The following SP140 variants were observed in gnomAD, a reference collection of about 807,000 sequenced individuals.
SP140 encodes nuclear body protein SP140.
In SP140, 81 loss-of-function variants were observed where a neutral mutation model predicts 125.0. The ratio of observed to expected loss-of-function variants is 0.65; its 90% confidence interval spans 0.54 to 0.78. SP140 has a LOEUF of 0.78. Ranked by LOEUF, SP140 falls within the 30% of genes least tolerant of loss-of-function variation. The pLI, the probability that SP140 is intolerant of heterozygous loss-of-function variation, is 0.00. For synonymous variants in SP140, 312 were observed against 354.0 expected (o/e 0.88, Z 1.33); for missense variants, 858 against 1,037.0 (o/e 0.83, Z 2.37).
chr2:230,305,661 T>C (rs2149582115), intron 22 of SP140, among the ~76,000 whole-genome samples: 1 of 152,254 alleles, frequency 6.6e-6, no homozygotes, highest in African/African-American at 2.4e-5. Flanking sequence ...CTTGCACACG[T>C]AGCGTGGGGG....
At chr2:230,288,622 A>T (rs564874320) in intron 18 of SP140, among the ~76,000 whole-genome samples, 3 of 150,474 alleles carry the variant, frequency 2.0e-5, no homozygotes, top group African/African-American at 7.3e-5. Context: ...CCTTCCCCTA[A>T]CCCCCAAATC....
At chr2:230,288,594 T>C (rs2056761165) in intron 18 of SP140, among the ~76,000 whole-genome samples, 2 of 151,822 alleles carry the variant, frequency 1.3e-5, no homozygotes, top group Non-Finnish European at 1.5e-5. Context: ...CTACATTAGG[T>C]ATTTCTCCTA....
intron 22 of SP140, among the ~76,000 whole-genome samples, chr2:230,307,955 GTATATATATATATATATATATATATATA>G (rs60233854): frequency 6.2e-5 from 3 of 48,408 alleles, no homozygotes; most frequent in South Asian, 1.6e-3. Flanking sequence ...GGACATGCAT[GTATATATATATATATATATATATATATA>G]TATATATACA....
chr2:230,245,880 A>G lies in SP140; in HGVS notation c.682A>G (p.Ile228Val), dbSNP rs367777353. ...PGGGVSCKLA[I>V]QIDEGESEEM... Reference sequence around the variant, plus strand: ...CTCTGCAGTGTCCTGTAAACTTGCTATACAAATAGATGAAGGAGAATCAGA... The same window carrying G: ...CTCTGCAGTGTCCTGTAAACTTGCTGTACAAATAGATGAAGGAGAATCAGA... Residue 228 changes from isoleucine (I) to valine (V), a missense_variant, in exon 7 of 27, where the codon ATA becomes GTA. Coordinates refer to ENST00000392045, the MANE Select transcript of SP140 (RefSeq NM_007237.5). 1.9e-6 allele frequency: 3 copies of G among 1,606,114 alleles called. No individual in the cohort carries two copies. Among genetic ancestry groups the G allele is most frequent in the Admixed American group, 1.7e-5 (1 of 59,948 alleles).
intron 3 of SP140, among the ~76,000 whole-genome samples, chr2:230,239,328 C>T (rs1034096735): frequency 2.0e-5 from 3 of 152,192 alleles, no homozygotes; most frequent in Non-Finnish European, 4.4e-5. Flanking sequence ...AACCTATGCA[C>T]ATTGCACCAG....
chr2:230,248,255 G>A (rs1245325264), intron 8 of SP140, among the ~76,000 whole-genome samples, 190 bp downstream of exon 8: 2 of 152,156 alleles, frequency 1.3e-5, no homozygotes, highest in African/African-American at 4.8e-5. Flanking sequence ...TACAGACTGA[G>A]AAATAAAGCA....
At chr2:230,235,799 G>A (rs1422004198) in intron 1 of SP140, among the ~76,000 whole-genome samples, 2 of 150,910 alleles carry the variant, frequency 1.3e-5, no homozygotes, top group East Asian at 3.9e-4. Flanking sequence ...ACAGATTAAT[G>A]TGTCCTAGTT....
In SP140 at chr2:230,284,262, A is replaced by C. The variant is rs1413560803; in HGVS notation, c.1499-84A>C. The C allele has an allele frequency of 5.9e-6, 8 of 1,345,578 alleles. No homozygotes were observed. In the South Asian group the frequency reaches 6.9e-5, roughly 12 times the overall value. 83.4% of individuals were successfully genotyped at this position (1,345,578 alleles called of 1,614,324 possible). A position where few individuals can be genotyped will look rare whatever the true frequency, so the allele number is the denominator to read the frequency against. Reference sequence around the variant, plus strand: ...TCCTGCGGACCAAAGTATGAAAAAAAATCTTTAATACTATTGGCATATAAA... The same window carrying C: ...TCCTGCGGACCAAAGTATGAAAAAACATCTTTAATACTATTGGCATATAAA... On this transcript the variant is annotated intron_variant, in intron 15 of 26. Transcript: ENST00000392045.
downstream of SP140, among the ~76,000 whole-genome samples, chr2:230,316,223 G>T (rs1165791072): frequency 6.6e-6 from 1 of 152,218 alleles, no homozygotes; most frequent in Admixed American, 6.5e-5. Flanking sequence ...CAGGTGGTGG[G>T]AGAGAAACGT....
chr2:230,232,554 C>CAAA (rs2047413978), intron 1 of SP140, among the ~76,000 whole-genome samples: 1 of 152,182 alleles, frequency 6.6e-6, no homozygotes, highest in African/African-American at 2.4e-5. Context: ...TGAACTTTTA[C>CAAA]ATTTTTGAAG....
Position 230,244,972 on chromosome 2 carries a change from C to T in SP140, c.572-16C>T. The T allele has an allele frequency of 6.3e-7, 1 of 1,586,826 alleles. No homozygotes were observed. The highest frequency in any genetic ancestry group is 8.6e-7 in the Non-Finnish European group (1 of 1,157,032). ...TGAGGTCTGTGCTCTCATCACTGTG[C>T]CTTGTTTATTTCCAGGTTTCTCTTC... On this transcript the variant is annotated splice_polypyrimidine_tract_variant and intron_variant, in intron 5 of 26. Coordinates refer to ENST00000392045, the MANE Select transcript of SP140 (RefSeq NM_007237.5).
chr2:230,188,345 C>T, the SP140 span, among the ~76,000 whole-genome samples: 1 of 152,138 alleles, frequency 6.6e-6, no homozygotes, highest in Admixed American at 6.5e-5. Context: ...ATTTTGTAAC[C>T]TGAGACTTTA....
chr2:230,245,175 A>C (rs760545632), intron 6 of SP140, 95 bp downstream of exon 6: 3 of 784,620 alleles, frequency 3.8e-6, no homozygotes, highest in African/African-American at 1.7e-5. Context: ...CCAACCCTGT[A>C]ACACACTTTT....
rs747569305 is a variant in SP140 at position 230,310,021 on chromosome 2, C to T, written c.2156C>T (p.Pro719Leu). 7.4e-6 allele frequency: 12 copies of T among 1,614,018 alleles called. No individual in the cohort carries two copies. The highest frequency in any genetic ancestry group is 4.0e-5 in the African/African-American group (3 of 74,908). The stretch of plus-strand genomic sequence containing the variant: ...GTCTTCCATGAGGACTGTCACATCC[C>T]GCCTGTGGAAGCTGAGAGGTAAGTG... Reference protein sequence around the residue: ...SRVFHEDCHIPPVEAERTPWN... With the variant: ...SRVFHEDCHILPVEAERTPWN... Residue 719 changes from proline to leucine, a missense_variant, in exon 23 of 27, where the codon CCG (proline) becomes CTG (leucine). Coordinates refer to ENST00000392045, the MANE Select transcript of SP140 (RefSeq NM_007237.5).
At chr2:230,230,564 T>C (rs1414003315) in intron 1 of SP140, 1 of 152,250 alleles carries the variant, frequency 6.6e-6, no homozygotes, top group Non-Finnish European at 1.5e-5. Context: ...AATCTTTGTT[T>C]TAAAGTTAAA....
upstream of SP140, among the ~76,000 whole-genome samples, chr2:230,199,054 C>T (rs531420347): frequency 6.6e-6 from 1 of 151,932 alleles, no homozygotes; most frequent in South Asian, 2.1e-4. Flanking sequence ...GATGGAGCAA[C>T]AAGCAAGAAT....
Position 230,253,421 on chromosome 2 carries a change from A to AT in SP140, c.1159+6dup. 6.3e-7 allele frequency: 1 copy of AT among 1,581,040 alleles called. No individual in the cohort carries two copies. Among genetic ancestry groups the AT allele is most frequent in the Non-Finnish European group, 8.7e-7 (1 of 1,150,116 alleles). On this transcript the variant is annotated splice_donor_region_variant and intron_variant, in intron 11 of 26. Coordinates refer to ENST00000392045, the MANE Select transcript of SP140 (RefSeq NM_007237.5). ...CTACTACCAGGTGAAGGAGAAGGTA[A>AT]TTATGATGTACATTTTTAGGTATTT...
chr2:230,256,241 C>T (rs985603450), intron 12 of SP140, among the ~76,000 whole-genome samples: 7 of 151,916 alleles, frequency 4.6e-5, no homozygotes, highest in Non-Finnish European at 1.0e-4. Context: ...TATTGTGGCA[C>T]TATTCACAAT....
At chr2:230,202,333 C>CA (rs1372512974), upstream of SP140, among the ~76,000 whole-genome samples, 2 of 152,076 alleles carry the variant, frequency 1.3e-5, no homozygotes, top group African/African-American at 4.8e-5. Context: ...GTCCTGAGAC[C>CA]AAAAAATTTG....
Sources: gnomAD v4.1 joint callset for allele counts (sites outside exome capture counted in the v4.1 genomes callset) on GRCh38, gnomAD v4.1.1 for gene constraint, MANE v1.5 for transcripts, NCBI Gene and HGNC (gene_info 2026-07-23, HGNC 2026-07-21) for gene names.